The following ARNT2 variants were observed in gnomAD, a reference collection of about 807,000 sequenced individuals.
The protein encoded by ARNT2 is aryl hydrocarbon receptor nuclear translocator 2, also known as ARNT protein 2.
In ARNT2, 36 loss-of-function variants were observed where a neutral mutation model predicts 91.7. The ratio of observed to expected loss-of-function variants is 0.39; its 90% CI spans 0.30 to 0.52. The LOEUF (loss-of-function observed/expected upper bound fraction) is 0.52. Ranked by LOEUF, ARNT2 falls within the 20% of genes least tolerant of loss-of-function variation. ARNT2 has a pLI of 0.72. For synonymous variants in ARNT2, 365 were observed against 347.1 expected (o/e 1.05, Z -0.57); for missense variants, 775 against 939.3 (o/e 0.83, Z 2.29).
At chr15:80,450,129 C>T (rs190485672) in intron 1 of ARNT2, among the ~76,000 whole-genome samples, 156 of 152,308 alleles carry the variant, frequency 1.0e-3, no homozygotes, top group Non-Finnish European at 1.9e-3. Flanking sequence ...ATGACCTTAA[C>T]GAGCTTCCAA....
intron 1 of ARNT2, among the ~76,000 whole-genome samples, chr15:80,442,536 A>G (rs1896208823): frequency 6.6e-6 from 1 of 152,240 alleles, no homozygotes; most frequent in Non-Finnish European, 1.5e-5. Flanking sequence ...GCTGCTTATA[A>G]TTGAAACAGA....
At chr15:80,527,023 T>TA (rs1382617624) in intron 8 of ARNT2, among the ~76,000 whole-genome samples, 1 of 152,194 alleles carries the variant, frequency 6.6e-6, no homozygotes, top group Non-Finnish European at 1.5e-5. Context: ...GGTCTCTGCC[T>TA]ACTGCTCAGG....
intron 12 of ARNT2, among the ~76,000 whole-genome samples, chr15:80,564,909 TTTC>T (rs1329288049): frequency 2.9e-5 from 4 of 135,704 alleles, no homozygotes; most frequent in Non-Finnish European, 4.7e-5. Flanking sequence ...TGTACCACAT[TTTC>T]TTCTTCTTCT....
chr15:80,531,833 G>T (rs1897745565), intron 8 of ARNT2, among the ~76,000 whole-genome samples: 1 of 152,206 alleles, frequency 6.6e-6, no homozygotes, highest in Admixed American at 6.5e-5. Context: ...TATAGATGGA[G>T]AACCTGAAGC....
At chr15:80,593,426 T>A (rs1467937650) in intron 18 of ARNT2, among the ~76,000 whole-genome samples, 174 bp from the exon 19 acceptor site, 2 of 152,152 alleles carry the variant, frequency 1.3e-5, no homozygotes, top group African/African-American at 4.8e-5. Flanking sequence ...TTTCCCCGGG[T>A]CTCAGACATT....
chr15:80,419,951 A>G (rs1895838381), intron 1 of ARNT2, among the ~76,000 whole-genome samples: 1 of 152,098 alleles, frequency 6.6e-6, no homozygotes, highest in African/African-American at 2.4e-5. Context: ...CTTGGAGGAG[A>G]TGGTGGTGGG....
At chr15:80,578,261 C>A (rs1898719977) in intron 15 of ARNT2, among the ~76,000 whole-genome samples, 1 of 152,256 alleles carries the variant, frequency 6.6e-6, no homozygotes, top group Admixed American at 6.5e-5. Flanking sequence ...GAAGGTCTGG[C>A]TGACTCTTCA....
In ARNT2 at chr15:80,595,392, C is replaced by G. The variant is rs1449980184; in HGVS notation, c.*1694C>G. The G allele has an allele frequency of 1.3e-5, 2 of 152,254 alleles. No individual in the cohort carries two copies. The highest frequency in any genetic ancestry group is 1.3e-4 in the Admixed American group (2 of 15,278). The allele number at this position is 152,254 out of a possible 1,614,324, so 9.4% of individuals were successfully genotyped here. A position where few individuals can be genotyped will look rare whatever the true frequency, so the allele number is the denominator to read the frequency against. On this transcript the variant is annotated 3_prime_UTR_variant, in exon 19 of 19. Coordinates refer to ENST00000303329, the MANE Select transcript of ARNT2 (RefSeq NM_014862.4). Reference sequence around the variant, plus strand: ...TCCCTGCCCATGGATTCTGCAGGACCTAGAAGAGTGGCATTGGTTCTAGGA... The same window carrying G: ...TCCCTGCCCATGGATTCTGCAGGACGTAGAAGAGTGGCATTGGTTCTAGGA...
At chr15:80,484,606 T>C (rs933264033) in intron 5 of ARNT2, among the ~76,000 whole-genome samples, 1 of 152,276 alleles carries the variant, frequency 6.6e-6, no homozygotes, top group Non-Finnish European at 1.5e-5. Flanking sequence ...TTTGTGTTTT[T>C]TTCTCATATT....
In ARNT2 at chr15:80,410,257, C is replaced by T. The variant is rs190757062; in HGVS notation, c.31+5711C>T. ...CAACTCCAGGGGCACCAGTTACTTC[C>T]CTGTCCATCCCTTGGGCACGACATG... On this transcript the variant is annotated intron_variant, in intron 1 of 18. Coordinates refer to ENST00000303329, the MANE Select transcript of ARNT2 (RefSeq NM_014862.4). Among the ~76,000 whole-genome samples, 178 of 152,252 alleles carry T rather than the reference C, an allele frequency of 1.2e-3. 1 individual carries two copies. The highest frequency in any genetic ancestry group is 4.1e-3 in the African/African-American group (169 of 41,542).
chr15:80,485,171 T>C (rs980194480), intron 5 of ARNT2, among the ~76,000 whole-genome samples: 11 of 152,246 alleles, frequency 7.2e-5, no homozygotes, highest in Admixed American at 7.2e-4. Context: ...CTTAGCTCTC[T>C]AAAATGTGTC....
chr15:80,494,229 T>G (rs1897094902), intron 5 of ARNT2, among the ~76,000 whole-genome samples: 1 of 152,126 alleles, frequency 6.6e-6, no homozygotes, highest in Non-Finnish European at 1.5e-5. Context: ...TTTCAATATC[T>G]CTCTATTTTA....
rs762206472 is a variant in ARNT2, at chr15:80,470,194, C to G, written c.195-24C>G. On this transcript the variant is annotated intron_variant, in intron 3 of 18. Coordinates refer to ENST00000303329, the MANE Select transcript of ARNT2 (RefSeq NM_014862.4). ...TGATACTTCTCTTTTTTCCCCCTCT[C>G]CTGATCTCGTGCTTTCTGGAAAGAG... The G allele has an allele frequency of 5.0e-5, 80 of 1,606,182 alleles. No individual in the cohort carries two copies. Among genetic ancestry groups the G allele is most frequent in the Non-Finnish European group, 6.5e-5 (76 of 1,174,622 alleles).
At chr15:80,516,855 A>ATATATATATATC (rs1491249404) in intron 8 of ARNT2, among the ~76,000 whole-genome samples, 2 of 142,654 alleles carry the variant, frequency 1.4e-5, no homozygotes, top group Non-Finnish European at 3.1e-5. Context: ...ATATATATAT[A>ATATATATATATC]TCCATGTTCA....
chr15:80,499,257 C>T (rs181307358), intron 5 of ARNT2, among the ~76,000 whole-genome samples: 6 of 152,362 alleles, frequency 3.9e-5, no homozygotes, highest in Non-Finnish European at 5.9e-5. Flanking sequence ...AGGCCCTTCT[C>T]CCCGCTGCAT....
chr15:80,597,207 G>A lies in ARNT2; in HGVS notation c.*3509G>A, dbSNP rs76861207. 15,625 of 518,260 alleles carry A rather than the reference G, an allele frequency of 0.03. 791 individuals are homozygous for A. The highest frequency in any genetic ancestry group is 0.14 in the African/African-American group (7,437 of 51,768). 32.1% of individuals were successfully genotyped at this position (518,260 alleles called of 1,614,324 possible). A position where few individuals can be genotyped will look rare whatever the true frequency, so the allele number is the denominator to read the frequency against. On this transcript the variant is annotated 3_prime_UTR_variant, in exon 19 of 19. Transcript: ENST00000303329. ...AAACCAGTCCCAGGGAATGAATGGT[G>A]GTCTCCCCACTCCCGGCAGCACTTT...
At chr15:80,490,810 A>G (rs1430486600) in intron 5 of ARNT2, among the ~76,000 whole-genome samples, 2 of 152,382 alleles carry the variant, frequency 1.3e-5, no homozygotes, top group Middle Eastern at 3.4e-3. Flanking sequence ...GCAGCAATGC[A>G]TGAAACTGTG....
Position 80,404,535 on chromosome 15 carries a change from T to C in ARNT2, c.20T>C (p.Val7Ala), listed in dbSNP as rs1166736420. ...AGCAAGATGGCAACCCCGGCGGCGG[T>C]CAACCCTCCGGGTGAGTAGCGGCCT... MATPAA[V>A]NPPEMASDIP... Residue 7 changes from valine (V) to alanine (A), a missense_variant, in exon 1 of 19, where the codon GTC becomes GCC. This residue lies in a region of ARNT2 where 79 missense variants were observed against 83.8 expected (regional missense o/e 0.94). Coordinates refer to ENST00000303329, the MANE Select transcript of ARNT2 (RefSeq NM_014862.4). The surrounding 1 kb of genome is among the most constrained non-coding windows in gnomAD (Gnocchi z 5.5). 1 of 1,211,900 alleles carries C rather than the reference T, an allele frequency of 8.3e-7. No homozygotes were observed. The highest frequency in any genetic ancestry group is 3.0e-4 in the Middle Eastern group (1 of 3,318). The allele number at this position is 1,211,900 out of a possible 1,614,324, so 75.1% of individuals were successfully genotyped here. A position where few individuals can be genotyped will look rare whatever the true frequency, so the allele number is the denominator to read the frequency against.
intron 5 of ARNT2, among the ~76,000 whole-genome samples, chr15:80,505,924 G>GTTTTTTTTTTTTTTTTTTTTTTTTTTTTT (rs1486880107): frequency 1.3e-4 from 9 of 71,206 alleles, no homozygotes; most frequent in African/African-American, 5.9e-4. Flanking sequence ...CCCAACATTT[G>GTTTTTTTTTTTTTTTTTTTTTTTTTTTTT]TTGTTTTTTT....
Sources: gnomAD v4.1 joint callset for allele counts (sites outside exome capture counted in the v4.1 genomes callset) on GRCh38, gnomAD v4.1.1 for gene constraint, gnomAD v4.1.1 regional missense constraint, Gnocchi (gnomAD v3.1) non-coding constraint, MANE v1.5 for transcripts, NCBI Gene and HGNC (gene_info 2026-07-23, HGNC 2026-07-21) for gene names.